Variants in TBPL1 observed in about 807,000 individuals in gnomAD.
TBPL1 encodes the protein TATA box-binding protein-like 1.
Under a neutral mutation model 22.1 loss-of-function variants are expected in TBPL1, and 4 were observed. The observed-to-expected ratio is 0.18, with a 90% CI of 0.09 to 0.41. TBPL1 has a LOEUF of 0.41. Among genes scored for constraint, TBPL1 ranks in the 10% least tolerant of loss-of-function variants. TBPL1 has a pLI of 1.00. For synonymous variants in TBPL1, 64 were observed against 71.0 expected (o/e 0.90, Z 0.50); for missense variants, 115 against 222.3 (o/e 0.52, Z 3.07).
chr6:133,961,573 T>G (rs1776025148), intron 1 of TBPL1, among the ~76,000 whole-genome samples: 2 of 150,806 alleles, frequency 1.3e-5, no homozygotes, highest in South Asian at 4.3e-4. Flanking sequence ...AGTTCAAGCA[T>G]TCTTCTGCCT....
intron 1 of TBPL1, among the ~76,000 whole-genome samples, chr6:133,963,684 G>A (rs1226378816): frequency 1.3e-5 from 2 of 152,016 alleles, no homozygotes; most frequent in Non-Finnish European, 2.9e-5. Context: ...GCCTCCCAAA[G>A]TGCTGGGATT....
At chr6:133,972,427 T>C (rs1035155095) in intron 1 of TBPL1, among the ~76,000 whole-genome samples, 1 of 152,224 alleles carries the variant, frequency 6.6e-6, no homozygotes, top group Admixed American at 6.5e-5. Flanking sequence ...CATTTATCAG[T>C]GATAAATTTT....
chr6:133,962,619 AATATGG>A (rs1366040809), intron 1 of TBPL1, among the ~76,000 whole-genome samples: 1 of 152,168 alleles, frequency 6.6e-6, no homozygotes, highest in East Asian at 1.9e-4. Context: ...GATGATTGGG[AATATGG>A]ATTCAGATAT....
At chr6:133,965,554 A>G (rs1221068989) in intron 1 of TBPL1, among the ~76,000 whole-genome samples, 1 of 151,386 alleles carries the variant, frequency 6.6e-6, no homozygotes, top group African/African-American at 2.4e-5. Flanking sequence ...AAAGAACCCC[A>G]TGATCAACAA....
At chr6:133,952,267 G>C (rs55972523), upstream of TBPL1, 1 of 152,250 alleles carries the variant, frequency 6.6e-6, no homozygotes, top group Admixed American at 6.5e-5. The surrounding 1 kb of genome is among the most constrained non-coding windows in gnomAD (Gnocchi z 4.5). Context: ...CGGTTCAAAC[G>C]GGCCATTGTG....
intron 1 of TBPL1, among the ~76,000 whole-genome samples, chr6:133,973,660 C>T (rs1776262783): frequency 6.6e-6 from 1 of 152,178 alleles, no homozygotes; most frequent in South Asian, 2.1e-4. Context: ...ACCAAAAATA[C>T]AGATGATGTG....
At chr6:133,961,865 A>T (rs1027144809) in intron 1 of TBPL1, among the ~76,000 whole-genome samples, 1 of 152,126 alleles carries the variant, frequency 6.6e-6, no homozygotes, top group Non-Finnish European at 1.5e-5. Flanking sequence ...AACATAGATC[A>T]CATTCTCTTG....
rs571408825 is a variant in TBPL1, at chr6:133,988,403, A to G, written c.*1363A>G. The G allele has an allele frequency of 3.5e-4, 53 of 152,332 alleles. 1 individual carries two copies. The highest frequency in any genetic ancestry group is 3.4e-3 in the Middle Eastern group (1 of 296). 9.4% of individuals were successfully genotyped at this position (152,332 alleles called of 1,614,324 possible). ...GAAATAAAGCTGAGTGGAGAGTCCA[A>G]TTAGCTTCTCAGGAGAAACTTAATG... On this transcript the variant is annotated 3_prime_UTR_variant, in exon 7 of 7. Coordinates refer to ENST00000237264, the MANE Select transcript of TBPL1 (RefSeq NM_004865.4).
intron 1 of TBPL1, among the ~76,000 whole-genome samples, chr6:133,963,800 G>A (rs1268758516): frequency 2.6e-5 from 4 of 151,880 alleles, no homozygotes; most frequent in Non-Finnish European, 4.4e-5. Flanking sequence ...GGAGGCTGAG[G>A]CGGGCGGATC....
At chr6:133,984,533 T>G (rs771327420) in intron 5 of TBPL1, 44 bp from the exon 6 acceptor site, 1 of 1,609,288 alleles carries the variant, frequency 6.2e-7, no homozygotes, top group South Asian at 1.1e-5. Flanking sequence ...AAATTACTAG[T>G]CAGGGTATAA....
chr6:133,958,532 G>C (rs1251723761), intron 1 of TBPL1, among the ~76,000 whole-genome samples: 1 of 152,112 alleles, frequency 6.6e-6, no homozygotes, highest in African/African-American at 2.4e-5. Context: ...TACCTAATCA[G>C]GAAAATAATT....
chr6:133,952,922 C>T (rs1210442136), upstream of TBPL1, among the ~76,000 whole-genome samples: 1 of 152,188 alleles, frequency 6.6e-6, no homozygotes, highest in African/African-American at 2.4e-5. This position sits in a 1 kb window ranked among gnomAD's most constrained non-coding sequence, Gnocchi z 4.5. Flanking sequence ...TTTCAGAACC[C>T]TTTCAAGCGG....
chr6:133,974,490 C>T (rs1157337091), intron 1 of TBPL1, among the ~76,000 whole-genome samples: 4 of 152,148 alleles, frequency 2.6e-5, no homozygotes, highest in African/African-American at 9.7e-5. Flanking sequence ...TGCACCACCA[C>T]GCCCGGCTGA....
rs1474760477 is a variant in TBPL1 at position 133,988,736 on chromosome 6, A to T, written c.*1696A>T. ...GACTTGTATTTTTCCTTTTTTTTAA[A>T]AAAAAAGTGTTTATTTCCTTTATTT... On this transcript the variant is annotated 3_prime_UTR_variant, in exon 7 of 7. Coordinates refer to ENST00000237264, the MANE Select transcript of TBPL1 (RefSeq NM_004865.4). 2.6e-5 allele frequency: 4 copies of T among 151,934 alleles called. No homozygotes were observed. The highest frequency in any genetic ancestry group is 4.8e-5 in the African/African-American group (2 of 41,348). The allele number at this position is 151,934 out of a possible 1,614,324, so 9.4% of individuals were successfully genotyped here.
At chr6:133,982,976 C>A in intron 4 of TBPL1, 96 bp downstream of exon 4, 1 of 1,143,098 alleles carries the variant, frequency 8.7e-7, no homozygotes, top group Non-Finnish European at 1.2e-6. Context: ...ACTATGCGTA[C>A]TATTCTTATG....
intron 1 of TBPL1, among the ~76,000 whole-genome samples, chr6:133,978,174 T>C (rs1776347654): frequency 6.6e-6 from 1 of 152,186 alleles, no homozygotes; most frequent in African/African-American, 2.4e-5. Context: ...CCTGCTGCTG[T>C]CCAGATGGCT....
chr6:133,983,979 C>T (rs962373203), intron 4 of TBPL1, among the ~76,000 whole-genome samples: 1 of 152,196 alleles, frequency 6.6e-6, no homozygotes, highest in South Asian at 2.1e-4. Flanking sequence ...CCAGTGTACA[C>T]TCTGTATTTA....
Position 133,953,262 on chromosome 6 carries a change from G to A in TBPL1, c.-208G>A, listed in dbSNP as rs909754812. On this transcript the variant is annotated 5_prime_UTR_variant, in exon 1 of 7. Transcript: ENST00000237264. The stretch of plus-strand genomic sequence containing the variant: ...CAACAAAGCAAGGAAGACGGAGTCC[G>A]AGCCTCGGGGGCTCCTAGCAACGGG... The A allele has an allele frequency of 6.5e-6, 1 of 152,878 alleles. No individual in the cohort carries two copies. Among genetic ancestry groups the A allele is most frequent in the African/African-American group, 2.4e-5 (1 of 41,484 alleles). 9.5% of individuals were successfully genotyped at this position (152,878 alleles called of 1,614,324 possible). A position where few individuals can be genotyped will look rare whatever the true frequency, so the allele number is the denominator to read the frequency against.
Position 133,988,506 on chromosome 6 carries a change from A to G in TBPL1, c.*1466A>G, listed in dbSNP as rs946071684. ...TTTAAACCTTTGTGGAAAAATTGCA[A>G]CATCCTAATCTCCATATATAGTACA... is the stretch of plus-strand genomic sequence containing the variant. On this transcript the variant is annotated 3_prime_UTR_variant, in exon 7 of 7. Transcript: ENST00000237264. 6.6e-6 allele frequency: 1 copy of G among 152,224 alleles called. No homozygotes were observed. The highest frequency in any genetic ancestry group is 2.4e-5 in the African/African-American group (1 of 41,468). 9.4% of individuals were successfully genotyped at this position (152,224 alleles called of 1,614,324 possible). A position where few individuals can be genotyped will look rare whatever the true frequency, so the allele number is the denominator to read the frequency against.
Sources: allele counts gnomAD v4.1 joint callset (sites outside exome capture counted in the v4.1 genomes callset), GRCh38; gene constraint gnomAD v4.1.1; non-coding constraint Gnocchi (gnomAD v3.1); transcripts MANE v1.5; gene names NCBI Gene and HGNC (gene_info 2026-07-23, HGNC 2026-07-21).